Variants in NPHP3 observed in about 807,000 individuals in gnomAD.
NPHP3 encodes nephrocystin-3.
A neutral mutation model predicts 171.9 loss-of-function variants in NPHP3; 123 were observed. The observed-to-expected ratio is 0.72, with a 90% CI of 0.62 to 0.83. The LOEUF (loss-of-function observed/expected upper bound fraction) is 0.83. NPHP3 is among the 40% of genes least tolerant of loss of function. NPHP3 has a pLI of 0.00. For missense variants in NPHP3, 1,506 were observed against 1,591.9 expected (o/e 0.95, Z 0.92); for synonymous variants, 558 against 579.2 (o/e 0.96, Z 0.52).
intron 1 of NPHP3, 115 bp from the exon 2 acceptor site, chr3:132,719,945 T>C (rs1001522606): frequency 2.3e-6 from 1 of 439,202 alleles, no homozygotes; most frequent in African/African-American, 2.1e-5. Flanking sequence ...ATTTTAAGTC[T>C]ACTTATTATT....
rs772091214 is a variant in NPHP3, at chr3:132,699,900, AC to A, written c.1887+17del. 9.9e-6 allele frequency: 16 copies of A among 1,613,454 alleles called. No individual in the cohort carries two copies. The African/African-American group carries it at 2.1e-4, about 22-fold the overall frequency. On this transcript the variant is annotated intron_variant, in intron 12 of 26. Transcript: ENST00000337331. ...CTCTTTCTGAGCATATCAATAGGTA[AC>A]AAATGGAAAACGGTACCTGAACTTG...
intron 6 of NPHP3, among the ~76,000 whole-genome samples, chr3:132,710,667 C>A (rs1939884198): frequency 6.6e-6 from 1 of 152,176 alleles, no homozygotes; most frequent in Admixed American, 6.5e-5. Context: ...CCAGCCTCTC[C>A]CGGACTCACC....
At chr3:132,713,371 G>A (rs924353547) in intron 5 of NPHP3, 85 bp from the exon 6 acceptor site, 58 of 831,452 alleles carry the variant, frequency 7.0e-5, no homozygotes, top group Admixed American at 5.9e-4. Context: ...TAAAAAGCAC[G>A]CTTTAAAACA....
Position 132,722,399 on chromosome 3 carries a change from G to C in NPHP3, c.-44C>G. ...TACCTAGTGAGTACCAGCAGGACTGGGCAGCGGAACGGAACGGGACGGGGT... is the reference window on the plus strand; with the variant it reads ...TACCTAGTGAGTACCAGCAGGACTGCGCAGCGGAACGGAACGGGACGGGGT... On this transcript the variant is annotated 5_prime_UTR_variant, in exon 1 of 27. Coordinates refer to ENST00000337331, the MANE Select transcript of NPHP3 (RefSeq NM_153240.5). 2 of 1,549,514 alleles carry C rather than the reference G, an allele frequency of 1.3e-6. No homozygotes were observed. The highest frequency in any genetic ancestry group is 1.7e-6 in the Non-Finnish European group (2 of 1,157,180).
rs1471299248 is a variant in NPHP3 at position 132,701,436 on chromosome 3, G to C, written c.1622C>G (p.Ser541Ter). The change falls in exon 10 of 27, where the codon TCA becomes TGA. Residue 541 changes from serine (S) to a stop codon, truncating the protein, a stop_gained. Coordinates refer to ENST00000337331, the MANE Select transcript of NPHP3 (RefSeq NM_153240.5). LOFTEE classifies it high-confidence loss of function. Reference sequence around the variant, plus strand: ...TAATTGCACTGCATCATACCACTTTGATAAAAGAAGAGACTTCCCAGAACC... The same window carrying C: ...TAATTGCACTGCATCATACCACTTTCATAAAAGAAGAGACTTCCCAGAACC... ...GPGSGKSLLLSKWIQLQQKNS... is the reference protein window; with the variant it reads ...GPGSGKSLLL 2.5e-6 allele frequency: 4 copies of C among 1,600,136 alleles called. No individual in the cohort carries two copies. The highest frequency in any genetic ancestry group is 1.7e-5 in the Admixed American group (1 of 59,992).
chr3:132,695,703 G>A (rs1441083253), intron 15 of NPHP3, among the ~76,000 whole-genome samples: 1 of 152,160 alleles, frequency 6.6e-6, no homozygotes, highest in Non-Finnish European at 1.5e-5. Context: ...GGGAGGCTAA[G>A]CAGGTGGATT....
chr3:132,689,224 A>C lies in NPHP3; in HGVS notation c.2733T>G (p.Val911=), dbSNP rs1257867013. ...FAELLSYWQF[V]GKDKSAMATE... ...TTGCCATTGCACTTTTGTCTTTGCC[A>C]ACAAACTGCCAATAACTCAGCAACT... The change falls in exon 20 of 27, where the codon GTT becomes GTG. Residue 911 remains valine, a synonymous_variant. Coordinates refer to ENST00000337331, the MANE Select transcript of NPHP3 (RefSeq NM_153240.5). 1 of 1,614,044 alleles carries C rather than the reference A, an allele frequency of 6.2e-7. No homozygotes were observed. Among genetic ancestry groups the C allele is most frequent in the Non-Finnish European group, 8.5e-7 (1 of 1,179,976 alleles).
chr3:132,701,401 A>C (rs1486085900), intron 10 of NPHP3, 29 bp downstream of exon 10: 6 of 1,434,132 alleles, frequency 4.2e-6, no homozygotes, highest in Non-Finnish European at 5.9e-6. Flanking sequence ...AAACAATGAC[A>C]ACAATAATTT....
chr3:132,718,420 G>GAACT (rs1402674985), intron 3 of NPHP3, among the ~76,000 whole-genome samples: 1 of 152,164 alleles, frequency 6.6e-6, no homozygotes, highest in Non-Finnish European at 1.5e-5. Context: ...ACCACTCAGT[G>GAACT]AACTATAAGG....
In NPHP3 at chr3:132,686,361, C is replaced by G; in HGVS notation, c.3228G>C (p.Arg1076=). ...ATGTAAGCTCTTCTAACTGTAAAGC[C>G]CGTCTACGTAAAAGGGCAAATCCGT... The part of the protein sequence containing the change: ...NLYGFALLRR[R]ALQLEELTLG... Residue 1076 remains arginine, a synonymous_variant, in exon 23 of 27, where the codon CGG becomes CGC. Coordinates refer to ENST00000337331, the MANE Select transcript of NPHP3 (RefSeq NM_153240.5). 6.2e-7 allele frequency: 1 copy of G among 1,613,984 alleles called. No homozygotes were observed.
intron 23 of NPHP3, chr3:132,685,848 G>C (rs1332311660): frequency 5.2e-6 from 1 of 191,178 alleles, no homozygotes; most frequent in Non-Finnish European, 1.1e-5. Context: ...TCAGGAGATC[G>C]AGACCATCCT....
In NPHP3 at chr3:132,719,750, T is replaced by G; in HGVS notation, c.474A>C (p.Ala158=). ...TATCTCTGTCATGTTCAAATGTTGC[T>G]GCTCTCTCCATTGCTTGGTATTTCG... The part of the protein sequence containing the change: ...LEAKYQAMER[A]ATFEHDRDKV... Residue 158 remains alanine, a synonymous_variant, in exon 2 of 27, where the codon GCA becomes GCC. Coordinates refer to ENST00000337331, the MANE Select transcript of NPHP3 (RefSeq NM_153240.5). 1.3e-6 allele frequency: 2 copies of G among 1,589,854 alleles called. No individual in the cohort carries two copies. Among genetic ancestry groups the G allele is most frequent in the Non-Finnish European group, 1.7e-6 (2 of 1,165,480 alleles).
Position 132,687,950 on chromosome 3 carries a change from T to C in NPHP3, c.3125+700A>G, listed in dbSNP as rs77460946. 3.1e-3 allele frequency among the ~76,000 whole-genome samples: 478 copies of C among 152,308 alleles called. 1 individual carries two copies. The highest frequency in any genetic ancestry group is 0.01 in the African/African-American group (431 of 41,564). Reference sequence around the variant, plus strand: ...CACAGAAGCAACCATGGATAATATATACATGAAAAAAATTTGGCTGTGTTC... The same window carrying C: ...CACAGAAGCAACCATGGATAATATACACATGAAAAAAATTTGGCTGTGTTC... On this transcript the variant is annotated intron_variant, in intron 21 of 26. Coordinates refer to ENST00000337331, the MANE Select transcript of NPHP3 (RefSeq NM_153240.5).
intron 16 of NPHP3, 150 bp from the exon 17 acceptor site, chr3:132,692,968 A>AAG (rs1939338115): frequency 1.5e-6 from 1 of 684,896 alleles, no homozygotes; most frequent in African/African-American, 1.8e-5. Context: ...AGATTTATTA[A>AAG]AACACACTGT....
intron 10 of NPHP3, 88 bp downstream of exon 10, chr3:132,701,342 G>A (rs927660316): frequency 6.8e-6 from 6 of 877,298 alleles, no homozygotes; most frequent in African/African-American, 3.3e-5. Context: ...TGTAGGCCGC[G>A]CAGGAAGGCA....
rs1181699684 is a variant in NPHP3 at position 132,694,961 on chromosome 3, C to A, written c.2176G>T (p.Gly726Trp). 1.9e-6 allele frequency: 3 copies of A among 1,613,652 alleles called. No individual in the cohort carries two copies. Among genetic ancestry groups the A allele is most frequent in the Non-Finnish European group, 2.5e-6 (3 of 1,179,900 alleles). The change falls in exon 16 of 27, where the codon GGG (glycine) becomes TGG (tryptophan). Residue 726 changes from glycine (G) to tryptophan (W), a missense_variant. Coordinates refer to ENST00000337331, the MANE Select transcript of NPHP3 (RefSeq NM_153240.5). ...TLFGKMIARAGRAGNLDKILH... is the reference protein window; with the variant it reads ...TLFGKMIARAWRAGNLDKILH... The stretch of plus-strand genomic sequence containing the variant: ...ATTTTATCTAAATTGCCTGCTCTCC[C>A]AGCACTGTTGGAATCGAGAAGAGAT...
At chr3:132,695,061 T>C in intron 15 of NPHP3, 96 bp from the exon 16 acceptor site, 1 of 1,119,592 alleles carries the variant, frequency 8.9e-7, no homozygotes, top group Non-Finnish European at 1.3e-6. Flanking sequence ...CTATTTTTTG[T>C]ACTGCAACCA....
intron 3 of NPHP3, among the ~76,000 whole-genome samples, chr3:132,717,752 C>CTTTTTTTT (rs959757847): frequency 2.3e-4 from 19 of 81,262 alleles, no homozygotes; most frequent in East Asian, 1.4e-3. Context: ...CATTAAGAAT[C>CTTTTTTTT]TTTTTTTTTT....
chr3:132,713,906 T>A (rs999544971), intron 5 of NPHP3, among the ~76,000 whole-genome samples: 2 of 152,218 alleles, frequency 1.3e-5, no homozygotes, highest in Non-Finnish European at 1.5e-5. Context: ...AATTTGGTAA[T>A]CAACAACAGG....
Sources: allele counts gnomAD v4.1 joint callset (sites outside exome capture counted in the v4.1 genomes callset), GRCh38; gene constraint gnomAD v4.1.1; transcripts MANE v1.5; gene names NCBI Gene and HGNC (gene_info 2026-07-23, HGNC 2026-07-21).